The following ATF1 variants were observed in gnomAD, a reference collection of about 807,000 sequenced individuals.
The protein encoded by ATF1 is cyclic AMP-dependent transcription factor ATF-1.
A neutral mutation model predicts 34.7 loss-of-function variants in ATF1; 16 were observed. That is an observed-to-expected ratio of 0.46 (90% CI 0.31 to 0.70). The LOEUF is 0.70. Among genes scored for constraint, ATF1 ranks in the 30% least tolerant of loss-of-function variants. The pLI, the probability that ATF1 is intolerant of heterozygous loss-of-function variation, is 0.05. For missense variants in ATF1, 255 were observed against 321.6 expected, an observed-to-expected ratio of 0.79 and a Z score of 1.58; for synonymous variants, 105 against 113.1, an observed-to-expected ratio of 0.93 and a Z score of 0.46.
chr12:50,797,652 G>C (rs1941434755), intron 3 of ATF1, among the ~76,000 whole-genome samples: 1 of 151,884 alleles, frequency 6.6e-6, no homozygotes, highest in Admixed American at 6.6e-5. Context: ...TTAATTTTTG[G>C]TAGAGATAGA....
chr12:50,763,469 G>A (rs1940539939), upstream of ATF1, among the ~76,000 whole-genome samples: 1 of 149,842 alleles, frequency 6.7e-6, no homozygotes, highest in African/African-American at 2.5e-5. Context: ...ATCTCTTCAA[G>A]CCGAGCGTGG....
intron 3 of ATF1, among the ~76,000 whole-genome samples, chr12:50,807,274 G>A (rs1008565076): frequency 3.3e-5 from 5 of 151,684 alleles, no homozygotes; most frequent in Admixed American, 2.0e-4. Flanking sequence ...GTATGATGGC[G>A]TGTACCTATA....
chr12:50,763,735 T>G (rs994562999), upstream of ATF1: 1 of 151,024 alleles, frequency 6.6e-6, no homozygotes, highest in Non-Finnish European at 1.5e-5. Context: ...TCAAGGTCAA[T>G]TGGCAGGTGA....
At chr12:50,818,413 CAAAAGAAGAA>C (rs995802274) in intron 6 of ATF1, among the ~76,000 whole-genome samples, 6 of 151,156 alleles carry the variant, frequency 4.0e-5, no homozygotes, top group African/African-American at 1.5e-4. Context: ...TGTCTCAAAA[CAAAAGAAGAA>C]AAAAGAAAAA....
rs548149098 is a variant in ATF1 at position 50,769,398 on chromosome 12, C to T, written c.-7+5091C>T. On this transcript the variant is annotated intron_variant, in intron 1 of 6. Transcript: ENST00000262053. ...GCGCACACCTGTAGTCACAGCTACT[C>T]GAGGCTGAGGCAGGAGAAGCGCTTG... Among the ~76,000 whole-genome samples, 11 of 151,586 alleles carry T rather than the reference C, an allele frequency of 7.3e-5. No individual in the cohort carries two copies. The East Asian group carries it at 1.2e-3, about 16-fold the overall frequency.
intron 3 of ATF1, among the ~76,000 whole-genome samples, chr12:50,803,222 C>T (rs915899295): frequency 3.3e-5 from 5 of 150,464 alleles, no homozygotes; most frequent in South Asian, 2.1e-4. Flanking sequence ...GAGCCGAGAT[C>T]GCACCACTGT....
rs573048075 is a variant in ATF1, at chr12:50,796,206, G to A, written c.194+197G>A. The stretch of plus-strand genomic sequence containing the variant: ...GCCCAGGAGTTCAAGACCAGCCTGG[G>A]CAACATGGCAAGACCCTGTCTCTTC... On this transcript the variant is annotated intron_variant, in intron 3 of 6. Transcript: ENST00000262053. Among the ~76,000 whole-genome samples the A allele has an allele frequency of 3.9e-5, 6 of 152,042 alleles. No individual in the cohort carries two copies. In the East Asian group the frequency reaches 1.2e-3, roughly 29 times the overall value.
chr12:50,797,306 G>A (rs1207382304), intron 3 of ATF1, among the ~76,000 whole-genome samples: 4 of 152,196 alleles, frequency 2.6e-5, no homozygotes, highest in African/African-American at 9.7e-5. Flanking sequence ...ACATCTAGGT[G>A]TATGTTGTAA....
At position 50,809,474 on chromosome 12, in the gene ATF1, A is replaced by G. The variant is rs149504566; in HGVS notation, c.213A>G (p.Leu71=). 112 of 1,611,756 alleles carry G rather than the reference A, an allele frequency of 6.9e-5. No homozygotes were observed. Among genetic ancestry groups the G allele is most frequent in the Non-Finnish European group, 9.0e-5 (106 of 1,178,960 alleles). ...RPSYRKILKD[L]SSEDTRGRKG... Reference sequence around the variant, plus strand: ...TTTACAGAAAAATTTTGAAAGACTTATCTTCTGAAGATACACGGGGCAGAA... The same window carrying G: ...TTTACAGAAAAATTTTGAAAGACTTGTCTTCTGAAGATACACGGGGCAGAA... The change falls in exon 4 of 7, where the codon TTA becomes TTG. Residue 71 remains leucine (L), a synonymous_variant. Transcript: ENST00000262053.
At chr12:50,795,022 A>G (rs1189669660) in intron 2 of ATF1, among the ~76,000 whole-genome samples, 1 of 152,260 alleles carries the variant, frequency 6.6e-6, no homozygotes, top group East Asian at 1.9e-4. Flanking sequence ...TGTAGTTTAT[A>G]AAAATTAACA....
At chr12:50,789,709 T>G (rs937667122) in intron 2 of ATF1, among the ~76,000 whole-genome samples, 8 of 152,002 alleles carry the variant, frequency 5.3e-5, no homozygotes, top group Non-Finnish European at 1.2e-4. Flanking sequence ...GAGCCGAGAT[T>G]GTGCCACTGC....
intron 6 of ATF1, among the ~76,000 whole-genome samples, chr12:50,815,162 A>G (rs1941817575): frequency 6.6e-6 from 1 of 152,064 alleles, no homozygotes; most frequent in African/African-American, 2.4e-5. Flanking sequence ...GCCTCAAGGC[A>G]GCCCCTACAG....
At chr12:50,792,589 T>A (rs1941328182) in intron 2 of ATF1, among the ~76,000 whole-genome samples, 1 of 114,526 alleles carries the variant, frequency 8.7e-6, no homozygotes, top group African/African-American at 3.3e-5. Context: ...TCAGATACAT[T>A]TCAGTTGCTG....
chr12:50,780,004 C>T (rs1439041053), intron 1 of ATF1, 136 bp from the exon 2 acceptor site: 2 of 523,036 alleles, frequency 3.8e-6, no homozygotes, highest in South Asian at 5.3e-5. Context: ...GCACAGTCCC[C>T]TTTCTATCTC....
At chr12:50,764,545 C>G (rs1296803905) in intron 1 of ATF1, 1 of 152,416 alleles carries the variant, frequency 6.6e-6, no homozygotes, top group Non-Finnish European at 1.5e-5. Context: ...TCCCTCGCCC[C>G]CAAATAAAAG....
intron 2 of ATF1, among the ~76,000 whole-genome samples, chr12:50,785,538 C>T (rs1339752693): frequency 6.6e-6 from 1 of 152,146 alleles, no homozygotes; most frequent in African/African-American, 2.4e-5. Context: ...TTTATTATCT[C>T]ACAGTTTGTG....
At chr12:50,816,882 AACAC>A (rs1004637453) in intron 6 of ATF1, among the ~76,000 whole-genome samples, 2 of 152,208 alleles carry the variant, frequency 1.3e-5, no homozygotes, top group Non-Finnish European at 2.9e-5. Context: ...AACAAAAAAA[AACAC>A]ACAAGTAGTT....
chr12:50,785,968 G>A (rs1159946755), intron 2 of ATF1, among the ~76,000 whole-genome samples: 2 of 152,168 alleles, frequency 1.3e-5, no homozygotes, highest in African/African-American at 4.8e-5. Context: ...AATAAGGTTG[G>A]TTAGAAGCAA....
At chr12:50,815,512 A>G (rs2139698288) in intron 6 of ATF1, among the ~76,000 whole-genome samples, 2 of 151,972 alleles carry the variant, frequency 1.3e-5, no homozygotes, top group Non-Finnish European at 2.9e-5. Flanking sequence ...CGGCCTCCCA[A>G]GTAGCTGAGA....
Sources: gnomAD v4.1 joint callset for allele counts (sites outside exome capture counted in the v4.1 genomes callset) on GRCh38, gnomAD v4.1.1 for gene constraint, MANE v1.5 for transcripts, NCBI Gene and HGNC (gene_info 2026-07-23, HGNC 2026-07-21) for gene names.